The following CORO7 variants were observed in gnomAD, a reference collection of about 807,000 sequenced individuals.
The protein encoded by CORO7 is coronin-7.
Under a neutral mutation model 126.6 loss-of-function variants are expected in CORO7, and 107 were observed. The observed-to-expected ratio is 0.85, with a 90% CI of 0.72 to 0.99. The LOEUF (loss-of-function observed/expected upper bound fraction) is 0.99. CORO7 is among the 50% of genes least tolerant of loss of function. The pLI, the probability that CORO7 is intolerant of heterozygous loss-of-function variation, is 0.00. For missense variants in CORO7, 1,314 were observed against 1,255.8 expected (o/e 1.05, Z -0.70); for synonymous variants, 603 against 536.8 (o/e 1.12, Z -1.70).
Position 4,362,820 on chromosome 16 carries a change from C to G in CORO7, c.1276-82G>C. The G allele has an allele frequency of 9.5e-6, 12 of 1,261,160 alleles. No individual in the cohort carries two copies. The highest frequency in any genetic ancestry group is 1.1e-5 in the Non-Finnish European group (11 of 1,000,566). The allele number at this position is 1,261,160 out of a possible 1,614,324, so 78.1% of individuals were successfully genotyped here. On this transcript the variant is annotated intron_variant, in intron 14 of 27. Transcript: ENST00000251166. The surrounding 1 kb of genome is among the most constrained non-coding windows in gnomAD (Gnocchi z 5.3). ...GGGGTGCCAGCGGACTCCAGGGTCA[C>G]CACTCTGGGCCCCCTGCGGACTGGA... is the stretch of plus-strand genomic sequence containing the variant.
intron 6 of CORO7, among the ~76,000 whole-genome samples, chr16:4,404,704 G>A (rs2055931634): frequency 2.6e-5 from 4 of 151,940 alleles, no homozygotes; most frequent in African/African-American, 7.2e-5. Flanking sequence ...GGACCGCCAC[G>A]CCTCCCACCC....
In CORO7 at chr16:4,383,097, C is replaced by A. The variant is rs1205029418; in HGVS notation, c.785+4889G>T. ...GAGATGCTGTGGCCCAGCTGACGAGCCCTAACGTCCCCAGAACCGAGTGCC... is the reference window on the plus strand; with the variant it reads ...GAGATGCTGTGGCCCAGCTGACGAGACCTAACGTCCCCAGAACCGAGTGCC... On this transcript the variant is annotated intron_variant, in intron 9 of 27. Coordinates refer to ENST00000251166, the MANE Select transcript of CORO7 (RefSeq NM_024535.5). 5.0e-6 allele frequency: 3 copies of A among 605,322 alleles called. No individual in the cohort carries two copies. The East Asian group carries it at 9.4e-5, about 19-fold the overall frequency. The allele number at this position is 605,322 out of a possible 1,614,324, so 37.5% of individuals were successfully genotyped here. A position where few individuals can be genotyped will look rare whatever the true frequency, so the allele number is the denominator to read the frequency against.
chr16:4,357,433 C>A, intron 25 of CORO7, 174 bp from the exon 26 acceptor site: 5 of 633,598 alleles, frequency 7.9e-6, no homozygotes, highest in Non-Finnish European at 1.3e-5. Flanking sequence ...CCTAGGCTGA[C>A]TGCAACCTCC....
chr16:4,403,156 G>A (rs910818783), intron 6 of CORO7, among the ~76,000 whole-genome samples: 7 of 151,948 alleles, frequency 4.6e-5, no homozygotes, highest in South Asian at 2.1e-4. Context: ...GCTCACGCTC[G>A]CTCCTGGTGT....
At chr16:4,408,294 C>G (rs769749246) in intron 3 of CORO7, 43 bp from the exon 4 acceptor site, 89 of 1,613,842 alleles carry the variant, frequency 5.5e-5, no homozygotes, top group Non-Finnish European at 7.3e-5. Flanking sequence ...TGTCCTGTTT[C>G]CAACCCAGTA....
chr16:4,407,096 T>A (rs1408162173), intron 5 of CORO7, among the ~76,000 whole-genome samples: 3 of 151,668 alleles, frequency 2.0e-5, no homozygotes, highest in Non-Finnish European at 4.4e-5. Context: ...TACAGGTGTG[T>A]GCCACCACGC....
intron 9 of CORO7, among the ~76,000 whole-genome samples, chr16:4,372,782 C>T (rs1237941020): frequency 6.6e-6 from 1 of 152,180 alleles, no homozygotes; most frequent in Non-Finnish European, 1.5e-5. Flanking sequence ...GATTGCCACA[C>T]CAGGGTCACT....
chr16:4,412,098 C>T (rs1596343906), intron 3 of CORO7, among the ~76,000 whole-genome samples: 1 of 152,020 alleles, frequency 6.6e-6, no homozygotes, highest in African/African-American at 2.4e-5. Context: ...CAGCCTGGAG[C>T]CTGGGGCGGC....
intron 9 of CORO7, among the ~76,000 whole-genome samples, chr16:4,379,115 C>T (rs906987099): frequency 7.2e-5 from 11 of 151,938 alleles, no homozygotes; most frequent in East Asian, 1.9e-4. Flanking sequence ...GCCCTATGGA[C>T]GGGTCCCCCC....
chr16:4,361,227 C>T lies in CORO7; in HGVS notation c.1709G>A (p.Arg570Gln), dbSNP rs200011523. The change falls in exon 18 of 28, where the codon CGA becomes CAA. Residue 570 changes from arginine to glutamine, a missense_variant. Physicochemically the swap from Arg to Gln is conservative, Grantham distance 43. Coordinates refer to ENST00000251166, the MANE Select transcript of CORO7 (RefSeq NM_024535.5). ...GCCCTCTGCGGGTACCCGCCACAGT[C>T]GGATCCTGGCGTCCTCACCAGCTGC... ...LAVAGEDARI[R>Q]LWRVPAEGLE... is the part of the protein sequence containing the mutation. 121 of 1,612,604 alleles carry T rather than the reference C, an allele frequency of 7.5e-5. No homozygotes were observed. The highest frequency in any genetic ancestry group is 9.5e-5 in the Non-Finnish European group (112 of 1,180,010).
chr16:4,413,889 G>T (rs1475332537), intron 1 of CORO7, among the ~76,000 whole-genome samples: 2 of 150,710 alleles, frequency 1.3e-5, no homozygotes, highest in Non-Finnish European at 3.0e-5. Context: ...AGTCCCTTAG[G>T]AAATGTAAAA....
chr16:4,364,432 T>C lies in CORO7; in HGVS notation c.1138-19A>G. The C allele has an allele frequency of 6.7e-7, 1 of 1,488,958 alleles. No individual in the cohort carries two copies. Among genetic ancestry groups the C allele is most frequent in the Non-Finnish European group, 8.9e-7 (1 of 1,121,592 alleles). 92.2% of individuals were successfully genotyped at this position (1,488,958 alleles called of 1,614,324 possible). A position where few individuals can be genotyped will look rare whatever the true frequency, so the allele number is the denominator to read the frequency against. On this transcript the variant is annotated intron_variant, in intron 13 of 27. Coordinates refer to ENST00000251166, the MANE Select transcript of CORO7 (RefSeq NM_024535.5). ...TCTGCACCTGCATGGAGGCCGGCAG[T>C]GGGGAGATGGGGGCATGGGCTGCCC...
In CORO7 at chr16:4,357,213, T is replaced by C. The variant is rs546075144; in HGVS notation, c.2640A>G (p.Ser880=). ...REAPARRAPS[S]AQYLEEKSDQ... is the part of the protein sequence containing the mutation. The stretch of plus-strand genomic sequence containing the variant: ...CAGACTTTTCTTCCAGGTACTGCGC[T>C]GAGGATGGGGCCCGACGAGCAGGGG... The change falls in exon 26 of 28, where the codon TCA becomes TCG. Residue 880 remains serine, a synonymous_variant. Transcript: ENST00000251166. The C allele has an allele frequency of 6.2e-7, 1 of 1,613,680 alleles. No homozygotes were observed. The highest frequency in any genetic ancestry group is 1.7e-5 in the Admixed American group (1 of 59,982).
In CORO7 at chr16:4,361,982, C is replaced by T; in HGVS notation, c.1578+3G>A. ...GGCAGCCCTGGTGGGGTGGGGCCCT[C>T]ACCTCAAGCACAGCCACCTGTCCCC... On this transcript the variant is annotated splice_donor_region_variant and intron_variant, in intron 16 of 27. Coordinates refer to ENST00000251166, the MANE Select transcript of CORO7 (RefSeq NM_024535.5). The T allele has an allele frequency of 6.2e-7, 1 of 1,601,208 alleles. No homozygotes were observed. The highest frequency in any genetic ancestry group is 8.5e-7 in the Non-Finnish European group (1 of 1,174,622).
chr16:4,378,339 G>GTGGCCAGGC (rs141346072), intron 9 of CORO7, among the ~76,000 whole-genome samples: 1 of 152,250 alleles, frequency 6.6e-6, no homozygotes, highest in Non-Finnish European at 1.5e-5. Flanking sequence ...GGCCACAGTG[G>GTGGCCAGGC]TGGCCAGGCT....
chr16:4,416,339 G>A (rs2141346817), intron 1 of CORO7, 120 bp downstream of exon 1: 1 of 1,313,988 alleles, frequency 7.6e-7, no homozygotes. Context: ...GGGTTCCCCG[G>A]GGATGGAGGT....
intron 9 of CORO7, chr16:4,381,834 A>G (rs2054986163): frequency 1.2e-6 from 2 of 1,601,358 alleles, no homozygotes; most frequent in East Asian, 2.2e-5. Flanking sequence ...GCCACGTCAC[A>G]CTGGCCAGCC....
intron 26 of CORO7, 153 bp from the exon 27 acceptor site, chr16:4,355,525 G>C (rs2053949970): frequency 2.5e-6 from 2 of 790,300 alleles, no homozygotes; most frequent in Admixed American, 5.3e-5. Context: ...ATGGAGTGCA[G>C]TGGCGCGATC....
intron 6 of CORO7, among the ~76,000 whole-genome samples, chr16:4,401,040 C>T (rs2055783327): frequency 6.6e-6 from 1 of 152,158 alleles, no homozygotes; most frequent in African/African-American, 2.4e-5. Context: ...AATTCCCGCT[C>T]CATGTGCAGC....
Sources: gnomAD v4.1 joint callset for allele counts (sites outside exome capture counted in the v4.1 genomes callset) on GRCh38, gnomAD v4.1.1 for gene constraint, Gnocchi (gnomAD v3.1) non-coding constraint, MANE v1.5 for transcripts, NCBI Gene and HGNC (gene_info 2026-07-23, HGNC 2026-07-21) for gene names.